KLHDC2: variants seen among roughly 807,000 people sequenced by gnomAD.
The protein encoded by KLHDC2 is kelch domain-containing protein 2.
A neutral mutation model predicts 62.3 loss-of-function variants in KLHDC2; 38 were observed. The ratio of observed to expected loss-of-function variants is 0.61; its 90% CI spans 0.47 to 0.80. The LOEUF (loss-of-function observed/expected upper bound fraction) is 0.80, where lower values mean the gene tolerates loss of function less well. Among genes scored for constraint, KLHDC2 ranks in the 30% least tolerant of loss-of-function variants. The pLI, the probability that KLHDC2 is intolerant of heterozygous loss-of-function variation, is 0.00. For missense variants in KLHDC2, 430 were observed against 495.3 expected, an observed-to-expected ratio of 0.87 and a Z score of 1.25; for synonymous variants, 159 against 161.0, an observed-to-expected ratio of 0.99 and a Z score of 0.09.
intron 2 of KLHDC2, among the ~76,000 whole-genome samples, chr14:49,772,275 A>G (rs1889680108): frequency 6.6e-6 from 1 of 152,176 alleles, no homozygotes; most frequent in Non-Finnish European, 1.5e-5. Flanking sequence ...TCTCTTGAAT[A>G]AGGAAAGGAA....
intron 1 of KLHDC2, among the ~76,000 whole-genome samples, chr14:49,770,052 C>T (rs1481453860): frequency 6.6e-6 from 1 of 152,198 alleles, no homozygotes; most frequent in Non-Finnish European, 1.5e-5. Flanking sequence ...CTGTCAATGA[C>T]ACTTCTAAGC....
chr14:49,770,574 A>C (rs999427549), intron 1 of KLHDC2, among the ~76,000 whole-genome samples: 1 of 152,242 alleles, frequency 6.6e-6, no homozygotes, highest in Non-Finnish European at 1.5e-5. Flanking sequence ...AAGGCTGGGA[A>C]TGTCAGGCAG....
At chr14:49,781,798 G>C (rs974764200) in intron 10 of KLHDC2, among the ~76,000 whole-genome samples, 3 of 151,916 alleles carry the variant, frequency 2.0e-5, no homozygotes, top group Non-Finnish European at 4.4e-5. Context: ...TCCAAAAAAA[G>C]CTTATTAAAC....
At chr14:49,779,294 A>T (rs1291974333) in intron 6 of KLHDC2, among the ~76,000 whole-genome samples, 1 of 152,168 alleles carries the variant, frequency 6.6e-6, no homozygotes, top group Non-Finnish European at 1.5e-5. Context: ...TGACACAGAT[A>T]ATTATATTTC....
chr14:49,785,285 A>G lies in KLHDC2; in HGVS notation c.*2332A>G, dbSNP rs1361648909. 6.2e-7 allele frequency: 1 copy of G among 1,613,934 alleles called. No individual in the cohort carries two copies. ...TGGCAAACAGTAGTACATCTTCAGG[A>G]TGTGGCTGGCCTGTCAAAGAATCAA... is the stretch of plus-strand genomic sequence containing the variant. On this transcript the variant is annotated 3_prime_UTR_variant, in exon 13 of 13. Transcript: ENST00000298307.
At chr14:49,780,050 C>T in intron 8 of KLHDC2, 163 bp from the exon 9 acceptor site, 3 of 623,126 alleles carry the variant, frequency 4.8e-6, no homozygotes, top group Non-Finnish European at 8.4e-6. Context: ...ATTCTAACGT[C>T]AAAGAAAATA....
chr14:49,777,179 T>G (rs112002653), intron 3 of KLHDC2, among the ~76,000 whole-genome samples: 195 of 152,166 alleles, frequency 1.3e-3, no homozygotes, highest in African/African-American at 4.5e-3. Flanking sequence ...TTCTCACTCA[T>G]AAGTGGGAGC....
At chr14:49,780,127 C>A in intron 8 of KLHDC2, 86 bp from the exon 9 acceptor site, 1 of 853,472 alleles carries the variant, frequency 1.2e-6, no homozygotes, top group South Asian at 1.5e-5. Flanking sequence ...TTTTTCATAA[C>A]ATGTACATAT....
chr14:49,770,083 T>A (rs1479188768), intron 1 of KLHDC2, among the ~76,000 whole-genome samples: 1 of 152,204 alleles, frequency 6.6e-6, no homozygotes, highest in Non-Finnish European at 1.5e-5. Flanking sequence ...ATAATTGTAT[T>A]TTTAAAATGA....
intron 12 of KLHDC2, 42 bp from the exon 13 acceptor site, chr14:49,782,788 A>T (rs1178002379): frequency 6.3e-7 from 1 of 1,596,890 alleles, no homozygotes; most frequent in African/African-American, 1.3e-5. Context: ...ACTTCCAAAC[A>T]GTAAAGTGAA....
intron 10 of KLHDC2, among the ~76,000 whole-genome samples, chr14:49,781,033 A>G (rs926853699): frequency 6.6e-6 from 1 of 152,196 alleles, no homozygotes; most frequent in Non-Finnish European, 1.5e-5. Context: ...AAAATATACA[A>G]TCAAGCTTTT....
intron 5 of KLHDC2, 74 bp downstream of exon 5, chr14:49,778,333 T>C: frequency 7.4e-7 from 1 of 1,351,610 alleles, no homozygotes; most frequent in South Asian, 1.2e-5. Context: ...TTTTGTGCAT[T>C]TTTCTTTGGT....
intron 8 of KLHDC2, 28 bp downstream of exon 8, chr14:49,779,834 C>T (rs549307771): frequency 1.9e-6 from 3 of 1,546,028 alleles, no homozygotes; most frequent in Admixed American, 3.3e-5. Flanking sequence ...TACATTTTTC[C>T]AAAATTCAGA....
Position 49,782,563 on chromosome 14 carries a change from A to G in KLHDC2, c.1066A>G (p.Ile356Val), listed in dbSNP as rs746917299. 5.6e-6 allele frequency: 9 copies of G among 1,607,632 alleles called. No homozygotes were observed. Among genetic ancestry groups the G allele is most frequent in the African/African-American group, 1.3e-5 (1 of 74,710 alleles). ...TCAGGCACACAGTAATGAAATACTA[A>G]TATTTTCAGTTCAACCAAAATCTCT... Reference protein sequence around the residue: ...HRAAHSNEILIFSVQPKSLVR... With the variant: ...HRAAHSNEILVFSVQPKSLVR... The change falls in exon 12 of 13, where the codon ATA becomes GTA. Residue 356 changes from isoleucine (I) to valine (V), a missense_variant. Ile to Val is a conservative substitution (Grantham distance 29, BLOSUM62 3). Transcript: ENST00000298307.
intron 10 of KLHDC2, among the ~76,000 whole-genome samples, chr14:49,780,992 C>T (rs952566609): frequency 6.6e-6 from 1 of 152,196 alleles, no homozygotes; most frequent in Non-Finnish European, 1.5e-5. Flanking sequence ...ATTTTTGCTT[C>T]TTCCTTCTGT....
rs1889585545 is a variant in KLHDC2, at chr14:49,768,310, G to GA, written c.-159_-158insA. On this transcript the variant is annotated 5_prime_UTR_variant, in exon 1 of 13. Coordinates refer to ENST00000298307, the MANE Select transcript of KLHDC2 (RefSeq NM_014315.3). ...AGAGCCGTCCTCGGCCGAGGAGGCT[G>GA]GGAAACGCGAGCGCAGGCGGCAGAG... 1 of 771,144 alleles carries GA rather than the reference G, an allele frequency of 1.3e-6. No individual in the cohort carries two copies. Among genetic ancestry groups the GA allele is most frequent in the Non-Finnish European group, 2.0e-6 (1 of 507,500 alleles). The allele number at this position is 771,144 out of a possible 1,614,324, so 47.8% of individuals were successfully genotyped here.
intron 1 of KLHDC2, among the ~76,000 whole-genome samples, chr14:49,770,957 ACAGCCT>A (rs1261204516): frequency 6.6e-6 from 1 of 152,230 alleles, no homozygotes; most frequent in Admixed American, 6.5e-5. Flanking sequence ...ACTTTCAGTA[ACAGCCT>A]GCTGACCATG....
chr14:49,770,595 TCA>T (rs948517913), intron 1 of KLHDC2, among the ~76,000 whole-genome samples: 18 of 152,196 alleles, frequency 1.2e-4, no homozygotes, highest in African/African-American at 4.1e-4. Flanking sequence ...TTGTTAAAGT[TCA>T]GGGAAAGGAT....
chr14:49,774,483 T>C lies in KLHDC2; in HGVS notation c.234-78T>C. On this transcript the variant is annotated intron_variant, in intron 2 of 12. Coordinates refer to ENST00000298307, the MANE Select transcript of KLHDC2 (RefSeq NM_014315.3). ...ATTTTATTCCTTTATTGTGAGGATA[T>C]AAGTAGAAGAAGAAAAATTAATAGA... 6.8e-6 allele frequency: 6 copies of C among 881,704 alleles called. No individual in the cohort carries two copies. In the Admixed American group the frequency reaches 7.1e-5, roughly 10 times the overall value. 54.6% of individuals were successfully genotyped at this position (881,704 alleles called of 1,614,324 possible).
Sources: allele counts gnomAD v4.1 joint callset (sites outside exome capture counted in the v4.1 genomes callset), GRCh38; gene constraint gnomAD v4.1.1; transcripts MANE v1.5; gene names NCBI Gene and HGNC (gene_info 2026-07-23, HGNC 2026-07-21).